MAP2K1: variants seen among roughly 807,000 people sequenced by gnomAD.
The protein encoded by MAP2K1 is mitogen-activated protein kinase kinase 1, also known as dual specificity mitogen-activated protein kinase kinase 1.
MAP2K1 carries 16 observed loss-of-function variants against 46.3 expected under a neutral mutation model. The ratio of observed to expected loss-of-function variants is 0.35; its 90% CI spans 0.23 to 0.52. MAP2K1 has a LOEUF of 0.52. Ranked by LOEUF, MAP2K1 falls within the 20% of genes least tolerant of loss-of-function variation. The pLI is 0.94. For synonymous variants in MAP2K1, 183 were observed against 185.6 expected (o/e 0.99, Z 0.11); for missense variants, 263 against 497.1 (o/e 0.53, Z 4.48).
At chr15:66,433,434 C>T (rs1005269666) in intron 1 of MAP2K1, among the ~76,000 whole-genome samples, 9 of 152,206 alleles carry the variant, frequency 5.9e-5, no homozygotes, top group African/African-American at 1.9e-4. Context: ...TTGCAGATAG[C>T]TGCCTTCCTA....
intron 1 of MAP2K1, among the ~76,000 whole-genome samples, chr15:66,391,871 T>C (rs2093356821): frequency 6.6e-6 from 1 of 152,198 alleles, no homozygotes; most frequent in African/African-American, 2.4e-5. Context: ...AAGGATGGTT[T>C]TGTATGTATC....
At chr15:66,409,883 T>C (rs1595844983) in intron 1 of MAP2K1, among the ~76,000 whole-genome samples, 1 of 152,354 alleles carries the variant, frequency 6.6e-6, no homozygotes, top group Admixed American at 6.5e-5. Context: ...TATATTTTTC[T>C]ATTCACAGAC....
At chr15:66,487,085 G>T in intron 7 of MAP2K1, 143 bp from the exon 8 acceptor site, 1 of 703,780 alleles carries the variant, frequency 1.4e-6, no homozygotes, top group East Asian at 2.8e-5. Flanking sequence ...GGTCCCCTCT[G>T]TGTTCAAGCC....
At chr15:66,485,614 T>C (rs942895027) in intron 7 of MAP2K1, among the ~76,000 whole-genome samples, 3 of 151,958 alleles carry the variant, frequency 2.0e-5, no homozygotes, top group Non-Finnish European at 1.5e-5. Context: ...GGGCTCACTC[T>C]GTCACCCAGG....
intron 1 of MAP2K1, among the ~76,000 whole-genome samples, chr15:66,426,693 G>A (rs944752024): frequency 6.6e-6 from 1 of 152,226 alleles, no homozygotes. Flanking sequence ...CTCTGTGCCT[G>A]CGAAATAGGT....
intron 1 of MAP2K1, among the ~76,000 whole-genome samples, chr15:66,419,016 G>A (rs187348989): frequency 2.9e-3 from 417 of 145,062 alleles, no homozygotes; most frequent in African/African-American, 0.01. Context: ...GCCCAGGCTG[G>A]AGTGCAATGG....
chr15:66,408,156 A>G (rs2093402397), intron 1 of MAP2K1, among the ~76,000 whole-genome samples: 1 of 152,250 alleles, frequency 6.6e-6, no homozygotes, highest in Admixed American at 6.5e-5. Context: ...GTGATTAACA[A>G]GACTAATGAT....
At chr15:66,412,897 A>T (rs567307862) in intron 1 of MAP2K1, among the ~76,000 whole-genome samples, 2 of 150,740 alleles carry the variant, frequency 1.3e-5, no homozygotes, top group East Asian at 2.0e-4. Flanking sequence ...TTATTATTTT[A>T]TTATTATTAT....
intron 1 of MAP2K1, among the ~76,000 whole-genome samples, chr15:66,390,814 C>CTTTA (rs2093354636): frequency 6.6e-6 from 1 of 152,082 alleles, no homozygotes; most frequent in Non-Finnish European, 1.5e-5. Context: ...TCTCTTTAAC[C>CTTTA]ACATTTCCTG....
intron 1 of MAP2K1, among the ~76,000 whole-genome samples, chr15:66,427,955 A>G (rs746198169): frequency 6.6e-6 from 1 of 152,180 alleles, no homozygotes; most frequent in Non-Finnish European, 1.5e-5. Context: ...TGAAGGTTGC[A>G]GTAAACCGAG....
chr15:66,444,768 C>T lies in MAP2K1; in HGVS notation c.568+61C>T, dbSNP rs1382501355. ...TTTAGATATAATCCAAAGGCTGTTG[C>T]TTCCTCTTTTTTCTATGTTTTGTTT... On this transcript the variant is annotated intron_variant, in intron 5 of 10. Coordinates refer to ENST00000307102, the MANE Select transcript of MAP2K1 (RefSeq NM_002755.4). 3 of 1,322,446 alleles carry T rather than the reference C, an allele frequency of 2.3e-6. No homozygotes were observed. In the African/African-American group the frequency reaches 4.4e-5, roughly 19 times the overall value. The allele number at this position is 1,322,446 out of a possible 1,614,324, so 81.9% of individuals were successfully genotyped here. A position where few individuals can be genotyped will look rare whatever the true frequency, so the allele number is the denominator to read the frequency against.
intron 1 of MAP2K1, among the ~76,000 whole-genome samples, chr15:66,411,993 G>A (rs1209270404): frequency 6.6e-6 from 1 of 152,032 alleles, no homozygotes; most frequent in Non-Finnish European, 1.5e-5. Flanking sequence ...TCAAGTTCAG[G>A]GTTGTTTCCA....
At chr15:66,408,792 A>C (rs535245345) in intron 1 of MAP2K1, among the ~76,000 whole-genome samples, 1 of 152,066 alleles carries the variant, frequency 6.6e-6, no homozygotes, top group African/African-American at 2.4e-5. Context: ...TCTTCATCTT[A>C]CGTCAAAGCT....
At chr15:66,490,447 G>A (rs928035887) in intron 10 of MAP2K1, 55 bp from the exon 11 acceptor site, 3 of 1,307,280 alleles carry the variant, frequency 2.3e-6, no homozygotes, top group Non-Finnish European at 3.3e-6. Context: ...TTCCTGGTGG[G>A]TTTTGTTTTT....
At chr15:66,390,931 ACTC>A (rs1323973867) in intron 1 of MAP2K1, among the ~76,000 whole-genome samples, 1 of 150,658 alleles carries the variant, frequency 6.6e-6, no homozygotes, top group Non-Finnish European at 1.5e-5. Context: ...GGAATGAATC[ACTC>A]CTCCTTCCCT....
At chr15:66,396,349 G>T (rs1312061252) in intron 1 of MAP2K1, among the ~76,000 whole-genome samples, 3 of 151,626 alleles carry the variant, frequency 2.0e-5, no homozygotes, top group Non-Finnish European at 4.4e-5. Flanking sequence ...CATGATCTTG[G>T]CTCACGGCCA....
chr15:66,437,638 C>T (rs117147554), intron 3 of MAP2K1, among the ~76,000 whole-genome samples: 3,799 of 152,276 alleles, frequency 0.025, 64 homozygotes, highest in Middle Eastern at 0.075. Context: ...CTGCCCTGAC[C>T]TTTAGAATAG....
chr15:66,397,345 C>T (rs2093370629), intron 1 of MAP2K1, among the ~76,000 whole-genome samples: 1 of 152,138 alleles, frequency 6.6e-6, no homozygotes, highest in Non-Finnish European at 1.5e-5. Context: ...TATCACTTAA[C>T]CTCACTGAGC....
At chr15:66,444,363 A>G (rs1254012732) in intron 4 of MAP2K1, among the ~76,000 whole-genome samples, 1 of 151,108 alleles carries the variant, frequency 6.6e-6, no homozygotes, top group African/African-American at 2.4e-5. Context: ...GAGAAACCCC[A>G]TCTCTACTAA....
Sources: allele counts gnomAD v4.1 joint callset (sites outside exome capture counted in the v4.1 genomes callset), GRCh38; gene constraint gnomAD v4.1.1; transcripts MANE v1.5; gene names NCBI Gene and HGNC (gene_info 2026-07-23, HGNC 2026-07-21).